Variants in GRM2 observed in about 807,000 individuals in gnomAD.
GRM2 encodes the protein glutamate metabotropic receptor 2, also known as metabotropic glutamate receptor 2.
In GRM2, 35 loss-of-function variants were observed where a neutral mutation model predicts 60.4. That is an observed-to-expected ratio of 0.58 (90% CI 0.44 to 0.77). The LOEUF is 0.77. Ranked by LOEUF, GRM2 falls within the 30% of genes least tolerant of loss-of-function variation. The pLI, the probability that GRM2 is intolerant of heterozygous loss-of-function variation, is 0.00. For missense variants in GRM2, 925 were observed against 1,199.5 expected (o/e 0.77, Z 3.38); for synonymous variants, 437 against 484.1 (o/e 0.90, Z 1.28).
Position 51,713,052 on chromosome 3 carries a change from T to C in GRM2, c.1030T>C (p.Trp344Arg). 6.2e-7 allele frequency: 1 copy of C among 1,613,176 alleles called. No individual in the cohort carries two copies. The highest frequency in any genetic ancestry group is 8.5e-7 in the Non-Finnish European group (1 of 1,179,944). ...CCCTTGGAACAACAGCCGGAACCCCTGGTTCCGTGAATTCTGGGAGCAGAG... is the reference window on the plus strand; with the variant it reads ...CCCTTGGAACAACAGCCGGAACCCCCGGTTCCGTGAATTCTGGGAGCAGAG... ...LDPWNNSRNP[W>R]FREFWEQRFR... Residue 344 changes from tryptophan (W) to arginine (R), a missense_variant, in exon 3 of 6, where the codon TGG (tryptophan) becomes CGG (arginine). Trp to Arg is a moderately radical substitution (Grantham distance 101). Coordinates refer to ENST00000395052, the MANE Select transcript of GRM2 (RefSeq NM_000839.5). This position sits in a 1 kb window ranked among gnomAD's most constrained non-coding sequence, Gnocchi z 4.8.
intron 2 of GRM2, among the ~76,000 whole-genome samples, chr3:51,710,382 G>A (rs1703671208): frequency 6.6e-6 from 1 of 152,184 alleles, no homozygotes; most frequent in South Asian, 2.1e-4. Context: ...AAGTCATAAG[G>A]GCACCGTTGA....
In GRM2 at chr3:51,717,730, C is replaced by T. The variant is rs1251071228; in HGVS notation, c.2458C>T (p.Gln820Ter). 2 of 1,614,132 alleles carry T rather than the reference C, an allele frequency of 1.2e-6. No homozygotes were observed. Among genetic ancestry groups the T allele is most frequent in the Admixed American group, 3.3e-5 (2 of 60,032 alleles). ...GCCCAAGCTGCACATCATCCTCTTC[C>T]AGCCGCAGAAGAACGTGGTTAGCCA... ...FAPKLHIILF[Q>*]PQKNVVSHRA... Residue 820 changes from glutamine to a stop codon, truncating the protein, a stop_gained, in exon 5 of 6, where the codon CAG becomes TAG. Coordinates refer to ENST00000395052, the MANE Select transcript of GRM2 (RefSeq NM_000839.5). LOFTEE classifies it high-confidence loss of function. The surrounding 1 kb of genome is among the most constrained non-coding windows in gnomAD (Gnocchi z 6.0).
intron 2 of GRM2, among the ~76,000 whole-genome samples, chr3:51,709,727 A>C (rs113324694): frequency 4.0e-5 from 1 of 24,792 alleles, no homozygotes; most frequent in Non-Finnish European, 7.1e-5. Flanking sequence ...CCACACACCC[A>C]CACACACCCG....
Position 51,716,074 on chromosome 3 carries a change from C to T in GRM2, c.2301C>T (p.Tyr767=), listed in dbSNP as rs780393063. The change falls in exon 4 of 6, where the codon TAC becomes TAT. Residue 767 remains tyrosine, a synonymous_variant. Transcript: ENST00000395052. This position sits in a 1 kb window ranked among gnomAD's most constrained non-coding sequence, Gnocchi z 4.0. ...NEAKFIGFTM[Y]TTCIIWLAFL... is the part of the protein sequence containing the mutation. ...CCAAGTTCATTGGCTTCACCATGTA[C>T]ACCACCTGCATCATCTGGCTGGCAT... 3 of 1,614,258 alleles carry T rather than the reference C, an allele frequency of 1.9e-6. No individual in the cohort carries two copies. Among genetic ancestry groups the T allele is most frequent in the Non-Finnish European group, 2.5e-6 (3 of 1,180,044 alleles).
Position 51,712,814 on chromosome 3 carries a change from C to T in GRM2, c.792C>T (p.Arg264=), listed in dbSNP as rs530410418. ...CCCTGCTGCAGAAGCCCAGTGCCCGCGTGGCTGTCCTGTTCACCCGTTCTG... is the reference window on the plus strand; with the variant it reads ...CCCTGCTGCAGAAGCCCAGTGCCCGTGTGGCTGTCCTGTTCACCCGTTCTG... The part of the protein sequence containing the change: ...VRALLQKPSA[R]VAVLFTRSED... The change falls in exon 3 of 6, where the codon CGC becomes CGT. Residue 264 remains arginine, a synonymous_variant. Transcript: ENST00000395052. This position sits in a 1 kb window ranked among gnomAD's most constrained non-coding sequence, Gnocchi z 5.3. The T allele has an allele frequency of 6.2e-6, 10 of 1,612,968 alleles. No homozygotes were observed. Among genetic ancestry groups the T allele is most frequent in the South Asian group, 3.3e-5 (3 of 91,086 alleles).
At chr3:51,714,911 G>T in intron 3 of GRM2, 151 bp from the exon 4 acceptor site, 1 of 493,764 alleles carries the variant, frequency 2.0e-6, no homozygotes, top group Non-Finnish European at 3.6e-6. Context: ...AATGATTGGG[G>T]TCAAGGCAGG....
Position 51,717,772 on chromosome 3 carries a change from CGCTTTG to C in GRM2, c.2503_2508del (p.Phe835_Gly836del). ...GGTTAGCCACCGGGCACCCACCAGC[CGCTTTG>C]GCAGTGCTGCTGCCAGGGCCAGCTC... On this transcript the variant is annotated inframe_deletion, in exon 5 of 6. Coordinates refer to ENST00000395052, the MANE Select transcript of GRM2 (RefSeq NM_000839.5). This position sits in a 1 kb window ranked among gnomAD's most constrained non-coding sequence, Gnocchi z 6.0. 1 of 1,614,120 alleles carries C rather than the reference CGCTTTG, an allele frequency of 6.2e-7. No homozygotes were observed. The highest frequency in any genetic ancestry group is 1.1e-5 in the South Asian group (1 of 91,084).
At position 51,707,138 on chromosome 3, in the gene GRM2, A is replaced by G. The variant is rs1703539735; in HGVS notation, c.-166A>G. 6.6e-6 allele frequency: 1 copy of G among 152,278 alleles called. No homozygotes were observed. Among genetic ancestry groups the G allele is most frequent in the African/African-American group, 2.4e-5 (1 of 41,386 alleles). The allele number at this position is 152,278 out of a possible 1,614,324, so 9.4% of individuals were successfully genotyped here. A position where few individuals can be genotyped will look rare whatever the true frequency, so the allele number is the denominator to read the frequency against. The stretch of plus-strand genomic sequence containing the variant: ...GCCTCGCGCCCCCCGCTCCACTCCG[A>G]TTCTCTCCGCGCCAGAGCCAGCGCG... On this transcript the variant is annotated 5_prime_UTR_variant, in exon 1 of 6. Transcript: ENST00000395052.
intron 1 of GRM2, chr3:51,707,470 G>C (rs998065973): frequency 6.5e-6 from 1 of 153,672 alleles, no homozygotes; most frequent in African/African-American, 2.4e-5. Context: ...TCCCTGCCCA[G>C]ATTTTGTGGC....
rs1703879406 is a variant in GRM2, at chr3:51,715,885, C to A, written c.2112C>A (p.Gly704=). ...CCTGGCTGGTGGTGGAGGCACCGGG[C>A]ACAGGCAAGGAGACAGCCCCCGAAC... The part of the protein sequence containing the change: ...VVAWLVVEAP[G]TGKETAPERR... The change falls in exon 4 of 6, where the codon GGC becomes GGA. Residue 704 remains glycine, a synonymous_variant. Coordinates refer to ENST00000395052, the MANE Select transcript of GRM2 (RefSeq NM_000839.5). The surrounding 1 kb of genome is among the most constrained non-coding windows in gnomAD (Gnocchi z 9.0). The A allele has an allele frequency of 1.2e-6, 2 of 1,613,242 alleles. No homozygotes were observed. The highest frequency in any genetic ancestry group is 1.7e-6 in the Non-Finnish European group (2 of 1,179,922).
rs561725644 is a variant in GRM2 at position 51,713,878 on chromosome 3, T to A, written c.1288+568T>A. The A allele has an allele frequency of 2.4e-6, 1 of 418,964 alleles. No individual in the cohort carries two copies. The highest frequency in any genetic ancestry group is 2.0e-5 in the African/African-American group (1 of 49,108). The allele number at this position is 418,964 out of a possible 1,614,324, so 26.0% of individuals were successfully genotyped here. A position where few individuals can be genotyped will look rare whatever the true frequency, so the allele number is the denominator to read the frequency against. On this transcript the variant is annotated intron_variant, in intron 3 of 5. Transcript: ENST00000395052. The surrounding 1 kb of genome is among the most constrained non-coding windows in gnomAD (Gnocchi z 4.8). The stretch of plus-strand genomic sequence containing the variant: ...CTCAAGCGATCCTTCTGCCTCAGTC[T>A]CCAGAGTAGCTAGGATGACAGGCAT...
At chr3:51,710,146 T>C (rs1328668108) in intron 2 of GRM2, among the ~76,000 whole-genome samples, 1 of 151,830 alleles carries the variant, frequency 6.6e-6, no homozygotes. Flanking sequence ...CCTGCCACCA[T>C]GCCCGGCTAA....
Position 51,716,487 on chromosome 3 carries a change from G to A in GRM2, c.2364+350G>A, listed in dbSNP as rs1355657100. 4.6e-5 allele frequency among the ~76,000 whole-genome samples: 7 copies of A among 152,202 alleles called. No individual in the cohort carries two copies. Among genetic ancestry groups the A allele is most frequent in the Non-Finnish European group, 1.0e-4 (7 of 68,036 alleles). ...GGGGTTGAGAGATGAAGCCAGGGAA[G>A]GCAGGAAAGATGAAGCAAGGTGGGT... On this transcript the variant is annotated intron_variant, in intron 4 of 5. Transcript: ENST00000395052. This position sits in a 1 kb window ranked among gnomAD's most constrained non-coding sequence, Gnocchi z 4.0.
Position 51,716,270 on chromosome 3 carries a change from G to A in GRM2, c.2364+133G>A, listed in dbSNP as rs142544659. 4 of 657,046 alleles carry A rather than the reference G, an allele frequency of 6.1e-6. No individual in the cohort carries two copies. In the East Asian group the frequency reaches 1.1e-4, roughly 18 times the overall value. 40.7% of individuals were successfully genotyped at this position (657,046 alleles called of 1,614,324 possible). ...CACTCAGGGGACCACAGCTTGTGTG[G>A]ATCCCAAGGGGAAGGTGGGAGGGCT... is the stretch of plus-strand genomic sequence containing the variant. On this transcript the variant is annotated intron_variant, in intron 4 of 5. Coordinates refer to ENST00000395052, the MANE Select transcript of GRM2 (RefSeq NM_000839.5). The surrounding 1 kb of genome is among the most constrained non-coding windows in gnomAD (Gnocchi z 4.0).
chr3:51,711,559 C>T (rs1413131427), intron 2 of GRM2: 1 of 152,536 alleles, frequency 6.6e-6, no homozygotes, highest in African/African-American at 2.4e-5. Flanking sequence ...AATATTCCCC[C>T]TCATGGCTGC....
In GRM2 at chr3:51,718,069, G is replaced by A. The variant is rs754481569; in HGVS notation, c.2576G>A (p.Cys859Tyr). 1 of 1,614,178 alleles carries A rather than the reference G, an allele frequency of 6.2e-7. No homozygotes were observed. Among genetic ancestry groups the A allele is most frequent in the Non-Finnish European group, 8.5e-7 (1 of 1,180,028 alleles). Residue 859 changes from cysteine to tyrosine, a missense_variant, in exon 6 of 6, where the codon TGC becomes TAC. Coordinates refer to ENST00000395052, the MANE Select transcript of GRM2 (RefSeq NM_000839.5). This position sits in a 1 kb window ranked among gnomAD's most constrained non-coding sequence, Gnocchi z 4.2. Reference protein sequence around the residue: ...GSGSQFVPTVCNGREVVDSTT... With the variant: ...GSGSQFVPTVYNGREVVDSTT... ...GGCTCCCAGTTTGTCCCCACTGTTTGCAATGGCCGTGAGGTGGTGGACTCG... is the reference window on the plus strand; with the variant it reads ...GGCTCCCAGTTTGTCCCCACTGTTTACAATGGCCGTGAGGTGGTGGACTCG...
chr3:51,708,895 CCT>C lies in GRM2; in HGVS notation c.-88_-87del. On this transcript the variant is annotated 5_prime_UTR_variant, in exon 2 of 6. Coordinates refer to ENST00000395052, the MANE Select transcript of GRM2 (RefSeq NM_000839.5). ...TCTTCTTGTCTGTCCTTTCCTGGTC[CCT>C]GTTTCCTCCTCTCTTTGCCTTCGCT... 1 of 960,652 alleles carries C rather than the reference CCT, an allele frequency of 1.0e-6. No individual in the cohort carries two copies. Among genetic ancestry groups the C allele is most frequent in the South Asian group, 1.7e-5 (1 of 57,472 alleles). The allele number at this position is 960,652 out of a possible 1,614,324, so 59.5% of individuals were successfully genotyped here.
chr3:51,715,839 G>A lies in GRM2; in HGVS notation c.2066G>A (p.Gly689Asp), dbSNP rs138903693. 1.2e-6 allele frequency: 2 copies of A among 1,613,108 alleles called. No homozygotes were observed. Among genetic ancestry groups the A allele is most frequent in the African/African-American group, 1.3e-5 (1 of 74,916 alleles). ...QVAICLALISGQLLIVVAWLV... is the reference protein window; with the variant it reads ...QVAICLALISDQLLIVVAWLV... ...GCCATCTGCCTGGCACTTATCTCGGGCCAGCTGCTCATCGTGGTCGCCTGG... is the reference window on the plus strand; with the variant it reads ...GCCATCTGCCTGGCACTTATCTCGGACCAGCTGCTCATCGTGGTCGCCTGG... Residue 689 changes from glycine to aspartate, a missense_variant, in exon 4 of 6, where the codon GGC becomes GAC. Physicochemically the swap from Gly to Asp is moderately conservative, Grantham distance 94. Coordinates refer to ENST00000395052, the MANE Select transcript of GRM2 (RefSeq NM_000839.5). This position sits in a 1 kb window ranked among gnomAD's most constrained non-coding sequence, Gnocchi z 9.0.
chr3:51,717,764 C>A lies in GRM2; in HGVS notation c.2492C>A (p.Pro831His), dbSNP rs766421021. 3.1e-6 allele frequency: 5 copies of A among 1,614,046 alleles called. No individual in the cohort carries two copies. The African/African-American group carries it at 6.7e-5, about 22-fold the overall frequency. The change falls in exon 5 of 6, where the codon CCC (proline) becomes CAC (histidine). Residue 831 changes from proline to histidine, a missense_variant. Transcript: ENST00000395052. The surrounding 1 kb of genome is among the most constrained non-coding windows in gnomAD (Gnocchi z 6.0). ...AAGAACGTGGTTAGCCACCGGGCACCCACCAGCCGCTTTGGCAGTGCTGCT... is the reference window on the plus strand; with the variant it reads ...AAGAACGTGGTTAGCCACCGGGCACACACCAGCCGCTTTGGCAGTGCTGCT... The part of the protein sequence containing the change: ...PQKNVVSHRA[P>H]TSRFGSAAAR...
Sources: allele counts gnomAD v4.1 joint callset (sites outside exome capture counted in the v4.1 genomes callset), GRCh38; gene constraint gnomAD v4.1.1; non-coding constraint Gnocchi (gnomAD v3.1); transcripts MANE v1.5; gene names NCBI Gene and HGNC (gene_info 2026-07-23, HGNC 2026-07-21).